The following PCDH15 variants were observed in gnomAD, a reference collection of about 807,000 sequenced individuals.
PCDH15 encodes the protein protocadherin related 15, also known as protocadherin-15.
Under a neutral mutation model 178.5 loss-of-function variants are expected in PCDH15, and 129 were observed. That is an observed-to-expected ratio of 0.72 (90% CI 0.63 to 0.84). The LOEUF (loss-of-function observed/expected upper bound fraction) is 0.84. Among genes scored for constraint, PCDH15 ranks in the 40% least tolerant of loss-of-function variants. The pLI, the probability that PCDH15 is intolerant of heterozygous loss-of-function variation, is 0.00. For missense variants in PCDH15, 2,230 were observed against 2,099.9 expected, an observed-to-expected ratio of 1.06 and a Z score of -1.21; for synonymous variants, 800 against 732.0, an observed-to-expected ratio of 1.09 and a Z score of -1.50.
At chr10:54,991,593 A>C (rs1322085422) in intron 2 of PCDH15, among the ~76,000 whole-genome samples, 1 of 152,110 alleles carries the variant, frequency 6.6e-6, no homozygotes, top group African/African-American at 2.4e-5. Context: ...TTATCCCATG[A>C]TTTTTCATTA....
chr10:55,158,242 T>C (rs911048060), intron 2 of PCDH15, among the ~76,000 whole-genome samples: 1 of 151,912 alleles, frequency 6.6e-6, no homozygotes, highest in Non-Finnish European at 1.5e-5. Flanking sequence ...ATTATGAAAA[T>C]GTTATATGCA....
chr10:54,487,928 G>A (rs949617410), intron 3 of PCDH15, among the ~76,000 whole-genome samples: 13 of 151,814 alleles, frequency 8.6e-5, no homozygotes, highest in Non-Finnish European at 1.8e-4. Flanking sequence ...ATGCTGATAA[G>A]CATTTTTTCT....
At position 54,860,571 on chromosome 10, in the gene PCDH15, C is replaced by T. The variant is rs755794939; in HGVS notation, c.-29+36879G>A. Among the ~76,000 whole-genome samples the T allele has an allele frequency of 4.6e-5, 7 of 152,226 alleles. 1 individual carries two copies. The highest frequency in any genetic ancestry group is 3.4e-3 in the Middle Eastern group (1 of 294). On this transcript the variant is annotated intron_variant, in intron 3 of 5. Coordinates refer to the PCDH15 transcript ENST00000458638. ...CCACCTCTGATGGGCACCTGGATTG[C>T]TTCAATATCTTTGCTATTGCAAACA...
At chr10:54,215,384 C>A (rs115339356) in intron 9 of PCDH15, among the ~76,000 whole-genome samples, 3,496 of 152,196 alleles carry the variant, frequency 0.023, 56 homozygotes, top group Middle Eastern at 0.071. Context: ...TTAAAACCGA[C>A]TGTAAAATCT....
At chr10:54,484,302 GC>G (rs906254466) in intron 3 of PCDH15, among the ~76,000 whole-genome samples, 17 of 151,952 alleles carry the variant, frequency 1.1e-4, no homozygotes, top group African/African-American at 4.1e-4. Flanking sequence ...TGAGCATAAA[GC>G]AAGGACATGG....
At chr10:54,347,834 C>T (rs533980796) in intron 5 of PCDH15, among the ~76,000 whole-genome samples, 2 of 148,786 alleles carry the variant, frequency 1.3e-5, no homozygotes, top group East Asian at 3.9e-4. Context: ...CTAAGATTGA[C>T]AACAGATTTT....
chr10:55,619,268 C>CT (rs139120934), intron 2 of PCDH15, among the ~76,000 whole-genome samples: 4,483 of 151,498 alleles, frequency 0.03, 72 homozygotes, highest in Non-Finnish European at 0.039. Context: ...CCAATTAAGG[C>CT]TTTTTTTTAA....
At position 55,494,016 on chromosome 10, in the gene PCDH15, C is replaced by T. The variant is rs1381045740; in HGVS notation, c.-156+133609G>A. Among the ~76,000 whole-genome samples the T allele has an allele frequency of 2.6e-5, 4 of 151,734 alleles. No homozygotes were observed. In the East Asian group the frequency reaches 7.8e-4, roughly 30 times the overall value. ...TTAGAATCCATTTTAATTTTTAAGG[C>T]TTGTTTTATGGTCTAACACATAGTC... On this transcript the variant is annotated intron_variant, in intron 2 of 5. Coordinates refer to the PCDH15 transcript ENST00000613346.
intron 14 of PCDH15, among the ~76,000 whole-genome samples, chr10:54,141,206 C>G (rs1168449436): frequency 1.3e-5 from 2 of 151,418 alleles, no homozygotes; most frequent in African/African-American, 2.4e-5. Context: ...TATGTATTTC[C>G]AACAATTCAC....
intron 1 of PCDH15, among the ~76,000 whole-genome samples, chr10:55,258,249 T>C (rs903888730): frequency 2.0e-5 from 3 of 152,118 alleles, no homozygotes; most frequent in Non-Finnish European, 2.9e-5. Context: ...CAAATGGAGA[T>C]TACTGATAAA....
intron 1 of PCDH15, among the ~76,000 whole-genome samples, chr10:54,774,008 T>C (rs949819228): frequency 9.5e-5 from 1 of 10,478 alleles, no homozygotes; most frequent in African/African-American, 5.5e-4. Context: ...CTTCATAGGC[T>C]TTTTTTTTTT....
rs188147915 is a variant in PCDH15, at chr10:54,145,487, G to A, written c.1784+7613C>T. ...GTTTACAGTTTGATGTTCACAGATT[G>A]TATTCTATTATTTTTGAAATACATA... On this transcript the variant is annotated intron_variant, in intron 14 of 37. Transcript: ENST00000644397. Among the ~76,000 whole-genome samples, 951 of 152,122 alleles carry A rather than the reference G, an allele frequency of 6.3e-3. 12 individuals are homozygous for A. Among genetic ancestry groups the A allele is most frequent in the African/African-American group, 0.022 (896 of 41,522 alleles).
intron 2 of PCDH15, among the ~76,000 whole-genome samples, chr10:54,536,022 C>A (rs2084480918): frequency 6.6e-6 from 1 of 152,088 alleles, no homozygotes; most frequent in Non-Finnish European, 1.5e-5. Flanking sequence ...AAGCTTCCAG[C>A]AAGCAACCAT....
chr10:55,291,719 G>A (rs1182784196), intron 1 of PCDH15, among the ~76,000 whole-genome samples: 1 of 152,132 alleles, frequency 6.6e-6, no homozygotes, highest in Non-Finnish European at 1.5e-5. Flanking sequence ...TTTTTACACT[G>A]CTGGTAAAGA....
chr10:54,136,372 T>G (rs974135223), intron 14 of PCDH15, among the ~76,000 whole-genome samples: 1 of 151,224 alleles, frequency 6.6e-6, no homozygotes, highest in Non-Finnish European at 1.5e-5. Flanking sequence ...TAACCCTGGA[T>G]CCAAGAGACT....
chr10:54,895,239 C>T (rs574927702), intron 3 of PCDH15, among the ~76,000 whole-genome samples: 5 of 152,164 alleles, frequency 3.3e-5, no homozygotes, highest in East Asian at 1.9e-4. Context: ...AAAAGTCAAC[C>T]GTGAAGGGCC....
At chr10:54,445,030 G>A (rs1351587157) in intron 3 of PCDH15, among the ~76,000 whole-genome samples, 2 of 151,112 alleles carry the variant, frequency 1.3e-5, no homozygotes, top group Non-Finnish European at 3.0e-5. Context: ...TTTCCAAGGA[G>A]ATGATTCTCC....
chr10:54,774,968 T>C (rs1215548464), intron 1 of PCDH15, among the ~76,000 whole-genome samples: 3 of 152,192 alleles, frequency 2.0e-5, no homozygotes, highest in Admixed American at 6.5e-5. Context: ...ACCTTTGTAA[T>C]TCCACACAAG....
At chr10:54,775,299 G>T (rs966213743) in intron 1 of PCDH15, among the ~76,000 whole-genome samples, 4 of 152,072 alleles carry the variant, frequency 2.6e-5, no homozygotes, top group African/African-American at 9.7e-5. Context: ...TCAGTTAATA[G>T]GAACTCTATA....
Sources: allele counts gnomAD v4.1 joint callset (sites outside exome capture counted in the v4.1 genomes callset), GRCh38; gene constraint gnomAD v4.1.1; transcripts MANE v1.5; gene names NCBI Gene and HGNC (gene_info 2026-07-23, HGNC 2026-07-21).